The following PCDHA11 variants were observed in gnomAD, a reference collection of about 807,000 sequenced individuals.
PCDHA11 encodes protocadherin alpha-11.
PCDHA11 carries 61 observed loss-of-function variants against 70.3 expected under a neutral mutation model. The observed-to-expected ratio is 0.87, with a 90% CI of 0.71 to 1.07. The LOEUF is 1.07. Among genes scored for constraint, PCDHA11 ranks in the 50% least tolerant of loss-of-function variants. PCDHA11 has a pLI of 0.00. For synonymous variants in PCDHA11, 633 were observed against 555.1 expected (o/e 1.14, Z -1.97); for missense variants, 1,324 against 1,237.5 (o/e 1.07, Z -1.05).
chr5:140,873,211 T>C (rs560514188), intron 1 of PCDHA11, among the ~76,000 whole-genome samples: 2 of 152,272 alleles, frequency 1.3e-5, no homozygotes, highest in Admixed American at 6.5e-5. Flanking sequence ...TCTTTAAGTA[T>C]TAAAGAGAAG....
intron 1 of PCDHA11, among the ~76,000 whole-genome samples, chr5:140,897,816 G>C (rs1305259522): frequency 1.1e-4 from 16 of 152,078 alleles, no homozygotes; most frequent in Non-Finnish European, 1.9e-4. Flanking sequence ...CAGTGTAAAA[G>C]TGTTCCTATT....
At chr5:140,968,463 A>G (rs1012242019) in intron 1 of PCDHA11, 6 of 1,613,994 alleles carry the variant, frequency 3.7e-6, no homozygotes, top group Middle Eastern at 1.6e-4. Context: ...GTGACTGCCA[A>G]CGTATATGTG....
At chr5:140,930,902 T>C (rs1474835953) in intron 1 of PCDHA11, among the ~76,000 whole-genome samples, 1 of 152,212 alleles carries the variant, frequency 6.6e-6, no homozygotes, top group Non-Finnish European at 1.5e-5. Flanking sequence ...TTTAACTTAC[T>C]TTTCTACTTT....
At chr5:140,990,708 T>G (rs1201090744) in intron 3 of PCDHA11, among the ~76,000 whole-genome samples, 3 of 152,190 alleles carry the variant, frequency 2.0e-5, no homozygotes, top group African/African-American at 7.2e-5. Context: ...TTTATGGGGA[T>G]AAGAGCATCA....
chr5:141,007,094 A>G (rs559556000), intron 3 of PCDHA11, among the ~76,000 whole-genome samples: 1 of 152,300 alleles, frequency 6.6e-6, no homozygotes, highest in Admixed American at 6.5e-5. Context: ...AAGAGAGTCT[A>G]GGGCCAAACC....
intron 1 of PCDHA11, among the ~76,000 whole-genome samples, chr5:140,936,367 A>G (rs1347774517): frequency 2.0e-5 from 3 of 152,348 alleles, no homozygotes; most frequent in East Asian, 1.9e-4. Flanking sequence ...GCTACTGAGC[A>G]CTTGAAATGT....
intron 1 of PCDHA11, among the ~76,000 whole-genome samples, chr5:140,887,165 C>T (rs1451761224): frequency 1.3e-5 from 2 of 151,306 alleles, no homozygotes; most frequent in Non-Finnish European, 2.9e-5. Flanking sequence ...GGCGTGATCT[C>T]GGCTCACTGC....
chr5:140,961,445 C>T (rs772072156), intron 1 of PCDHA11, among the ~76,000 whole-genome samples: 1 of 152,214 alleles, frequency 6.6e-6, no homozygotes, highest in South Asian at 2.1e-4. Context: ...CCTAACTACA[C>T]TGTCTTGCAG....
intron 3 of PCDHA11, among the ~76,000 whole-genome samples, chr5:140,997,130 C>T (rs1480730795): frequency 6.6e-6 from 1 of 151,984 alleles, no homozygotes; most frequent in Non-Finnish European, 1.5e-5. Flanking sequence ...TACACAATGC[C>T]CCCACACCCC....
At chr5:140,893,273 A>G (rs1381847994) in intron 1 of PCDHA11, among the ~76,000 whole-genome samples, 1 of 152,150 alleles carries the variant, frequency 6.6e-6, no homozygotes, top group Non-Finnish European at 1.5e-5. Context: ...CAATAGTGGA[A>G]TTGCTGGATG....
intron 1 of PCDHA11, chr5:140,884,638 G>C: frequency 6.2e-7 from 1 of 1,610,712 alleles, no homozygotes; most frequent in South Asian, 1.1e-5. Context: ...GCCAGAGGGA[G>C]GAGGACTCAG....
chr5:140,871,191 C>T lies in PCDHA11; in HGVS notation c.2088C>T (p.Asn696=), dbSNP rs370303558. 1.9e-6 allele frequency: 3 copies of T among 1,613,656 alleles called. 1 individual carries two copies. In the South Asian group the frequency reaches 3.3e-5, roughly 18 times the overall value. The change falls in exon 1 of 4, where the codon AAC becomes AAT. Residue 696 remains asparagine (N), a synonymous_variant. Coordinates refer to ENST00000398640, the MANE Select transcript of PCDHA11 (RefSeq NM_018902.5). ...ASPEAALVDV[N]VYLIIAICVV... is the part of the protein sequence containing the mutation. ...CAGAGGCTGCGCTGGTGGATGTCAA[C>T]GTGTACCTGATCATCGCCATCTGCG...
At chr5:140,967,547 A>T in intron 1 of PCDHA11, 1 of 1,613,890 alleles carries the variant, frequency 6.2e-7, no homozygotes, top group Non-Finnish European at 8.5e-7. Flanking sequence ...TGACCAGTCC[A>T]CTTATCGCGT....
intron 1 of PCDHA11, among the ~76,000 whole-genome samples, chr5:140,917,662 C>T (rs1554198266): frequency 6.6e-6 from 1 of 152,118 alleles, no homozygotes; most frequent in Admixed American, 6.6e-5. Flanking sequence ...AGTAGGAAGT[C>T]CTTTCTCCAT....
At chr5:140,923,528 CA>C (rs1240707958) in intron 1 of PCDHA11, among the ~76,000 whole-genome samples, 1 of 151,622 alleles carries the variant, frequency 6.6e-6, no homozygotes, top group Non-Finnish European at 1.5e-5. Context: ...GATTCTGTCC[CA>C]AAAAAAGGAC....
At chr5:140,927,720 G>A in intron 1 of PCDHA11, 6 of 1,614,174 alleles carry the variant, frequency 3.7e-6, no homozygotes, top group Non-Finnish European at 4.2e-6. Context: ...GCAACAGCAC[G>A]CAAGCAGAGC....
chr5:140,999,814 G>A (rs143341016), intron 3 of PCDHA11, among the ~76,000 whole-genome samples: 1 of 152,286 alleles, frequency 6.6e-6, no homozygotes, highest in African/African-American at 2.4e-5. Context: ...CAAAGCAAGA[G>A]CTGTGGCTTT....
chr5:140,870,919 C>A lies in PCDHA11; in HGVS notation c.1816C>A (p.Leu606Ile). The stretch of plus-strand genomic sequence containing the variant: ...TGCGGACTCAGGCTACAACGCGTGG[C>A]TTTCATATGAATTGCAGCCGGCGGC... ...VDADSGYNAWLSYELQPAAGG... is the reference protein window; with the variant it reads ...VDADSGYNAWISYELQPAAGG... Residue 606 changes from leucine (L) to isoleucine (I), a missense_variant, in exon 1 of 4, where the codon CTT (leucine) becomes ATT (isoleucine). Physicochemically the swap from Leu to Ile is conservative, Grantham distance 5 (BLOSUM62 2). Coordinates refer to ENST00000398640, the MANE Select transcript of PCDHA11 (RefSeq NM_018902.5). 1 of 1,613,952 alleles carries A rather than the reference C, an allele frequency of 6.2e-7. No individual in the cohort carries two copies.
rs115129184 is a variant in PCDHA11, at chr5:140,964,722, A to G, written c.2392-14227A>G. 3.1e-3 allele frequency among the ~76,000 whole-genome samples: 468 copies of G among 152,140 alleles called. 3 individuals are homozygous for G. The highest frequency in any genetic ancestry group is 5.1e-3 in the Non-Finnish European group (346 of 67,996). On this transcript the variant is annotated intron_variant, in intron 1 of 3. Transcript: ENST00000398640. ...AAGGCCTCCGAGATCAAATTACCAC[A>G]GCAAACTGAGACAGAATTATTGTAG...
Sources: gnomAD v4.1 joint callset for allele counts (sites outside exome capture counted in the v4.1 genomes callset) on GRCh38, gnomAD v4.1.1 for gene constraint, MANE v1.5 for transcripts, NCBI Gene and HGNC (gene_info 2026-07-23, HGNC 2026-07-21) for gene names.